NIFK: variants seen among roughly 807,000 people sequenced by gnomAD.
NIFK encodes the protein MKI67 FHA domain-interacting nucleolar phosphoprotein.
Under a neutral mutation model 31.7 loss-of-function variants are expected in NIFK, and 16 were observed. The observed-to-expected ratio is 0.50, with a 90% CI of 0.34 to 0.77. The LOEUF is 0.77. NIFK is among the 30% of genes least tolerant of loss of function. The pLI is 0.01. For synonymous variants in NIFK, 126 were observed against 123.0 expected (o/e 1.02, Z -0.16); for missense variants, 341 against 350.4 (o/e 0.97, Z 0.21).
intron 3 of NIFK, among the ~76,000 whole-genome samples, chr2:121,731,438 C>A (rs1408163518): frequency 2.0e-5 from 3 of 152,140 alleles, no homozygotes; most frequent in African/African-American, 7.2e-5. Context: ...CTTCTTTCTG[C>A]AGGATAAATT....
chr2:121,732,035 CCA>C, intron 3 of NIFK, 59 bp downstream of exon 3: 4 of 943,434 alleles, frequency 4.2e-6, no homozygotes, highest in Middle Eastern at 2.5e-4. Flanking sequence ...GCCCTTCCCA[CCA>C]CAGTCACCCA....
At chr2:121,735,960 TATA>T (rs1191780607) in intron 1 of NIFK, among the ~76,000 whole-genome samples, 1 of 152,138 alleles carries the variant, frequency 6.6e-6, no homozygotes, top group Admixed American at 6.6e-5. Flanking sequence ...CAGCACCCAG[TATA>T]ATATTAGAGC....
intron 6 of NIFK, 163 bp from the exon 7 acceptor site, chr2:121,728,075 C>G: frequency 2.7e-6 from 2 of 732,380 alleles, no homozygotes; most frequent in Non-Finnish European, 4.3e-6. Context: ...AACTTAGATG[C>G]TTATCAAACT....
intron 2 of NIFK, among the ~76,000 whole-genome samples, chr2:121,734,770 G>T (rs1286843528): frequency 1.3e-5 from 2 of 152,068 alleles, no homozygotes; most frequent in Non-Finnish European, 2.9e-5. Flanking sequence ...CTCCAGCCCG[G>T]GCGACAGTGC....
chr2:121,734,358 TCA>T (rs1447439808), intron 2 of NIFK, among the ~76,000 whole-genome samples: 2 of 151,988 alleles, frequency 1.3e-5, no homozygotes, highest in African/African-American at 4.8e-5. Context: ...TGGATAAAGC[TCA>T]GATTATTGAA....
intron 6 of NIFK, 61 bp downstream of exon 6, chr2:121,728,227 T>C (rs2074507442): frequency 9.7e-7 from 1 of 1,032,218 alleles, no homozygotes; most frequent in Non-Finnish European, 1.5e-6. Context: ...CAGAAACTGC[T>C]TCTCCTCCTT....
intron 2 of NIFK, among the ~76,000 whole-genome samples, chr2:121,735,407 G>A (rs6754910): frequency 0.065 from 9,835 of 152,270 alleles, 566 homozygotes; most frequent in East Asian, 0.15. Flanking sequence ...TCAATTTAAT[G>A]TAAGGATTTG....
In NIFK at chr2:121,728,491, A is replaced by T. The variant is rs746767515; in HGVS notation, c.610T>A (p.Ser204Thr). 4.4e-6 allele frequency: 7 copies of T among 1,585,750 alleles called. No homozygotes were observed. Among genetic ancestry groups the T allele is most frequent in the Non-Finnish European group, 6.0e-6 (7 of 1,169,528 alleles). Reference protein sequence around the residue: ...ESISKTNRQTSTKGQVLRKKK... With the variant: ...ESISKTNRQTTTKGQVLRKKK... ...AAAAATTTTACCTGGCCTTTTGTAG[A>T]CGTCTGACGATTAGTTTTTGAAATA... Residue 204 changes from serine to threonine, a missense_variant, in exon 5 of 7, where the codon TCT becomes ACT. Physicochemically the swap from Ser to Thr is moderately conservative, Grantham distance 58 (BLOSUM62 1). Coordinates refer to ENST00000285814, the MANE Select transcript of NIFK (RefSeq NM_032390.5).
chr2:121,727,369 T>C lies in NIFK; in HGVS notation c.*355A>G. The C allele has an allele frequency of 2.1e-6, 1 of 485,458 alleles. No individual in the cohort carries two copies. Among genetic ancestry groups the C allele is most frequent in the Non-Finnish European group, 4.2e-6 (1 of 237,256 alleles). The allele number at this position is 485,458 out of a possible 1,614,324, so 30.1% of individuals were successfully genotyped here. On this transcript the variant is annotated 3_prime_UTR_variant, in exon 7 of 7. Transcript: ENST00000285814. ...GTAGATGGACAAACAAGATTGGTGGTCTTTAATTGCTGGCGACAGAAAAGG... is the reference window on the plus strand; with the variant it reads ...GTAGATGGACAAACAAGATTGGTGGCCTTTAATTGCTGGCGACAGAAAAGG...
chr2:121,733,655 C>T (rs1184292455), intron 2 of NIFK, among the ~76,000 whole-genome samples: 2 of 151,446 alleles, frequency 1.3e-5, no homozygotes, highest in Non-Finnish European at 2.9e-5. Flanking sequence ...CACTCCAGCC[C>T]GGGCGACAGA....
chr2:121,728,476 C>A lies in NIFK; in HGVS notation c.624+1G>T. 3 of 1,582,650 alleles carry A rather than the reference C, an allele frequency of 1.9e-6. No homozygotes were observed. Among genetic ancestry groups the A allele is most frequent in the Non-Finnish European group, 2.6e-6 (3 of 1,166,796 alleles). The stretch of plus-strand genomic sequence containing the variant: ...ATGTAAAATGATAAAAAAAATTTTA[C>A]CTGGCCTTTTGTAGACGTCTGACGA... On this transcript the variant is annotated splice_donor_variant, in intron 5 of 6. Transcript: ENST00000285814. LOFTEE classifies it high-confidence loss of function.
At chr2:121,728,170 C>G in intron 6 of NIFK, 118 bp downstream of exon 6, 1 of 751,514 alleles carries the variant, frequency 1.3e-6, no homozygotes, top group Non-Finnish European at 2.2e-6. Flanking sequence ...CAATAAAGAT[C>G]TACCAAATGT....
chr2:121,736,477 T>C (rs1043181639), intron 1 of NIFK, among the ~76,000 whole-genome samples: 1 of 152,222 alleles, frequency 6.6e-6, no homozygotes, highest in African/African-American at 2.4e-5. Flanking sequence ...TACTTCCCCG[T>C]TACCCTCCAC....
intron 4 of NIFK, among the ~76,000 whole-genome samples, chr2:121,730,202 A>G (rs2074527583): frequency 6.6e-6 from 1 of 152,018 alleles, no homozygotes; most frequent in African/African-American, 2.4e-5. Context: ...TGGGCAACAC[A>G]GCAAGACTCT....
rs905971632 is a variant in NIFK, at chr2:121,735,555, G to A, written c.243+58C>T. The A allele has an allele frequency of 2.6e-6, 4 of 1,553,300 alleles. No homozygotes were observed. The African/African-American group carries it at 5.4e-5, about 21-fold the overall frequency. On this transcript the variant is annotated intron_variant, in intron 2 of 6. Coordinates refer to ENST00000285814, the MANE Select transcript of NIFK (RefSeq NM_032390.5). ...TGTATGCGTGAACGTGCTCTTTAAT[G>A]TCAAGGATAATACACATTTGAAAAA...
At chr2:121,731,318 A>C in intron 3 of NIFK, 1 of 523,950 alleles carries the variant, frequency 1.9e-6, no homozygotes, top group Non-Finnish European at 3.4e-6. Context: ...GCCACATGCC[A>C]CCATGGGCAC....
chr2:121,730,646 C>T, intron 4 of NIFK: 1 of 435,388 alleles, frequency 2.3e-6, no homozygotes, highest in Non-Finnish European at 4.1e-6. Flanking sequence ...GAGTTCGAGA[C>T]CAGCCTGGCC....
intron 1 of NIFK, 151 bp downstream of exon 1, chr2:121,736,595 G>A: frequency 3.0e-6 from 2 of 661,196 alleles, no homozygotes; most frequent in Non-Finnish European, 5.4e-6. Flanking sequence ...GTCGGTCCCT[G>A]ATTCGGTCGA....
chr2:121,732,230 A>G (rs1270186198), intron 2 of NIFK, 26 bp from the exon 3 acceptor site: 2 of 1,370,204 alleles, frequency 1.5e-6, no homozygotes, highest in Non-Finnish European at 2.1e-6. Flanking sequence ...CGCCACAAAA[A>G]GTAGAACAAT....
Sources: gnomAD v4.1 joint callset for allele counts (sites outside exome capture counted in the v4.1 genomes callset) on GRCh38, gnomAD v4.1.1 for gene constraint, MANE v1.5 for transcripts, NCBI Gene and HGNC (gene_info 2026-07-23, HGNC 2026-07-21) for gene names.